The following IL1RAPL2 variants were observed in gnomAD, a reference collection of about 807,000 sequenced individuals.
IL1RAPL2 encodes X-linked interleukin-1 receptor accessory protein-like 2.
Under a neutral mutation model 44.1 loss-of-function variants are expected in IL1RAPL2, and 3 were observed. That is an observed-to-expected ratio of 0.07 (90% confidence interval 0.03 to 0.18). IL1RAPL2 has a LOEUF of 0.18. IL1RAPL2 is among the 10% of genes least tolerant of loss of function. The probability of loss-of-function intolerance (pLI) is 1.00; values close to 1 mark genes in which losing one functional copy is unlikely to be tolerated. For missense variants in IL1RAPL2, 391 were observed against 496.4 expected (o/e 0.79, Z 2.02); for synonymous variants, 181 against 178.8 (o/e 1.01, Z -0.10).
chrX:105,150,497 C>T (rs1445885013), intron 2 of IL1RAPL2, among the ~76,000 whole-genome samples: 1 of 112,020 alleles, frequency 8.9e-6, no homozygotes, highest in Non-Finnish European at 1.9e-5. Flanking sequence ...GCTTCTTGGT[C>T]TTGTTAAACA....
intron 2 of IL1RAPL2, among the ~76,000 whole-genome samples, chrX:105,075,965 C>G (rs1013613276): frequency 2.7e-5 from 3 of 111,443 alleles, no homozygotes; most frequent in Non-Finnish European, 1.9e-5. Context: ...AGCGGTCAAT[C>G]AATTTTGTTG....
At chrX:105,107,725 T>C (rs756993721) in intron 2 of IL1RAPL2, among the ~76,000 whole-genome samples, 1 of 111,518 alleles carries the variant, frequency 9.0e-6, no homozygotes, top group Non-Finnish European at 1.9e-5. Context: ...TTTGAGAATA[T>C]TTAGAAAGCA....
intron 2 of IL1RAPL2, among the ~76,000 whole-genome samples, chrX:105,083,408 A>C (rs1262962245): frequency 5.4e-5 from 6 of 111,795 alleles, no homozygotes; most frequent in Non-Finnish European, 1.1e-4. Flanking sequence ...AACTTCCCCA[A>C]CCTAGCAAGA....
intron 6 of IL1RAPL2, among the ~76,000 whole-genome samples, chrX:105,520,123 T>C (rs942587234): frequency 2.7e-5 from 3 of 112,000 alleles, no homozygotes; most frequent in Non-Finnish European, 3.8e-5. Flanking sequence ...CTTGACCTGA[T>C]AAGAACGGCT....
chrX:104,932,060 C>T (rs1255154360), intron 2 of IL1RAPL2, among the ~76,000 whole-genome samples: 6 of 103,611 alleles, frequency 5.8e-5, no homozygotes, highest in Admixed American at 1.1e-4. Context: ...GGCGTGATCT[C>T]GGCTCACTGC....
chrX:104,671,777 G>T (rs1402496628), intron 2 of IL1RAPL2, among the ~76,000 whole-genome samples: 1 of 111,842 alleles, frequency 8.9e-6, no homozygotes. Context: ...GAACACATGT[G>T]ATTGAAAGTC....
chrX:104,571,986 G>T (rs933316820), intron 1 of IL1RAPL2, among the ~76,000 whole-genome samples: 1 of 111,906 alleles, frequency 8.9e-6, no homozygotes, highest in Admixed American at 9.5e-5. Flanking sequence ...TGCCCAAATA[G>T]GTCATTTTGC....
intron 2 of IL1RAPL2, among the ~76,000 whole-genome samples, chrX:104,677,016 T>G (rs1207551456): frequency 9.0e-6 from 1 of 111,440 alleles, no homozygotes; most frequent in African/African-American, 3.3e-5. Context: ...TTTTCAAAGT[T>G]TTCAACTTCT....
At chrX:105,213,029 A>C (rs962345196) in intron 3 of IL1RAPL2, among the ~76,000 whole-genome samples, 3 of 111,651 alleles carry the variant, frequency 2.7e-5, no homozygotes, top group Non-Finnish European at 3.8e-5. Flanking sequence ...AGGAAAAATC[A>C]GTGCAAAAAT....
At chrX:105,295,683 C>T (rs527690993) in intron 5 of IL1RAPL2, among the ~76,000 whole-genome samples, 31 of 111,848 alleles carry the variant, frequency 2.8e-4, no homozygotes, top group Middle Eastern at 9.4e-3. Flanking sequence ...TTATTTCAGT[C>T]ATTTGTGTTA....
At chrX:105,171,279 G>A (rs1179977757) in intron 2 of IL1RAPL2, among the ~76,000 whole-genome samples, 1 of 111,128 alleles carries the variant, frequency 9.0e-6, no homozygotes, top group Non-Finnish European at 1.9e-5. Flanking sequence ...CAGAACCTGT[G>A]ACAGAGACCT....
At chrX:105,747,920 G>C (rs1413910955) in intron 8 of IL1RAPL2, among the ~76,000 whole-genome samples, 1 of 110,892 alleles carries the variant, frequency 9.0e-6, no homozygotes, top group Non-Finnish European at 1.9e-5. Flanking sequence ...TACGTTAAAG[G>C]GAGGTTAGGT....
At chrX:104,607,489 C>G (rs1929041805) in intron 1 of IL1RAPL2, among the ~76,000 whole-genome samples, 1 of 111,847 alleles carries the variant, frequency 8.9e-6, no homozygotes, top group African/African-American at 3.2e-5. Flanking sequence ...ATCTATACAT[C>G]TGAAAAACGC....
At chrX:105,528,194 T>G (rs2036607045) in intron 6 of IL1RAPL2, among the ~76,000 whole-genome samples, 1 of 112,183 alleles carries the variant, frequency 8.9e-6, no homozygotes, top group Admixed American at 9.5e-5. Flanking sequence ...GTTCTGAATT[T>G]GAATAGCACT....
chrX:104,599,244 T>A (rs764434866), intron 1 of IL1RAPL2, among the ~76,000 whole-genome samples: 42 of 111,111 alleles, frequency 3.8e-4, no homozygotes, highest in Admixed American at 1.1e-3. Flanking sequence ...CTATTGATTT[T>A]AAATTTTTTT....
intron 6 of IL1RAPL2, among the ~76,000 whole-genome samples, chrX:105,654,445 C>T (rs1023074334): frequency 1.8e-5 from 2 of 111,348 alleles, no homozygotes; most frequent in Non-Finnish European, 3.8e-5. Context: ...TGAGATGTTT[C>T]TTTGATATTT....
chrX:105,740,842 A>G (rs2038494031), intron 8 of IL1RAPL2, 151 bp downstream of exon 8: 1 of 469,262 alleles, frequency 2.1e-6, no homozygotes, highest in Non-Finnish European at 3.5e-6. Flanking sequence ...TGCTCTGCAT[A>G]TTAGCATAAA....
rs190858322 is a variant in IL1RAPL2 at position 105,640,793 on chromosome X, T to G, written c.773-76574T>G. On this transcript the variant is annotated intron_variant, in intron 6 of 10. Coordinates refer to ENST00000372582, the MANE Select transcript of IL1RAPL2 (RefSeq NM_017416.2). ...ATAGATATAGATATAGATATAGATA[T>G]AGATAGAGAGAGAGACCGAGAGAGA... 7.9e-3 allele frequency among the ~76,000 whole-genome samples: 543 copies of G among 68,468 alleles called. 1 individual carries two copies. Among genetic ancestry groups the G allele is most frequent in the African/African-American group, 0.014 (248 of 17,787 alleles). The allele number at this position is 68,468 out of a possible 115,157, so 59.5% of individuals were successfully genotyped here.
chrX:104,781,290 C>T (rs1012980128), intron 2 of IL1RAPL2, among the ~76,000 whole-genome samples: 4 of 110,833 alleles, frequency 3.6e-5, no homozygotes, highest in East Asian at 2.8e-4. Context: ...TTGGGGTTCA[C>T]GGTACTTAAG....
Sources: gnomAD v4.1 joint callset for allele counts (sites outside exome capture counted in the v4.1 genomes callset) on GRCh38, gnomAD v4.1.1 for gene constraint, MANE v1.5 for transcripts, NCBI Gene and HGNC (gene_info 2026-07-23, HGNC 2026-07-21) for gene names.